VPS13A: variants seen among roughly 807,000 people sequenced by gnomAD.
VPS13A encodes vacuolar protein sorting 13 homolog A, also known as intermembrane lipid transfer protein VPS13A.
VPS13A carries 264 observed loss-of-function variants against 390.9 expected under a neutral mutation model. The observed-to-expected ratio is 0.68, with a 90% CI of 0.61 to 0.75. The LOEUF (loss-of-function observed/expected upper bound fraction) is 0.75, where lower values mean the gene tolerates loss of function less well. VPS13A is among the 30% of genes least tolerant of loss of function. The pLI is 0.00. For synonymous variants in VPS13A, 1,231 were observed against 1,227.1 expected (o/e 1.00, Z -0.07); for missense variants, 3,409 against 3,733.9 (o/e 0.91, Z 2.27).
At chr9:77,310,303 A>G (rs1193346180) in intron 35 of VPS13A, among the ~76,000 whole-genome samples, 1 of 152,200 alleles carries the variant, frequency 6.6e-6, no homozygotes, top group African/African-American at 2.4e-5. Flanking sequence ...GGCTTTCATT[A>G]AAAAGTAAAT....
In VPS13A at chr9:77,276,104, C is replaced by A. The variant is rs772881218; in HGVS notation, c.2707C>A (p.Leu903Ile). ...EFYHLVGDCE[L>I]SVVEILVLGL... ...TTATCACCTTGTTGGAGATTGTGAACTATCTGTGGTAGAAATTCTTGTTTT... is the reference window on the plus strand; with the variant it reads ...TTATCACCTTGTTGGAGATTGTGAAATATCTGTGGTAGAAATTCTTGTTTT... Residue 903 changes from leucine to isoleucine, a missense_variant, in exon 26 of 72, where the codon CTA becomes ATA. Physicochemically the swap from Leu to Ile is conservative, Grantham distance 5. Coordinates refer to ENST00000360280, the MANE Select transcript of VPS13A (RefSeq NM_033305.3). The A allele has an allele frequency of 6.2e-7, 1 of 1,613,122 alleles. No homozygotes were observed. The highest frequency in any genetic ancestry group is 2.2e-5 in the East Asian group (1 of 44,762).
rs1296307787 is a variant in VPS13A, at chr9:77,339,782, T to C, written c.6645T>C (p.Tyr2215=). ...CAGTTGTGGCATTTCATAGTCCTTA[T>C]TGGATGGTCAATAAAACTGGCCGCA... is the stretch of plus-strand genomic sequence containing the variant. ...GQTVVAFHSP[Y]WMVNKTGRML... The change falls in exon 48 of 72, where the codon TAT becomes TAC. Residue 2215 remains tyrosine (Y), a synonymous_variant. Transcript: ENST00000360280. 1.9e-6 allele frequency: 3 copies of C among 1,614,004 alleles called. No homozygotes were observed. The highest frequency in any genetic ancestry group is 1.3e-5 in the African/African-American group (1 of 74,940).
At position 77,323,247 on chromosome 9, in the gene VPS13A, G is replaced by T. The variant is rs763843793; in HGVS notation, c.5991+20G>T. On this transcript the variant is annotated intron_variant, in intron 45 of 71. Transcript: ENST00000360280. ...GTGCAGGTATGAAATGATCAATTTT[G>T]GGGGATGTCCTGTTATGCATATCTG... 1.9e-6 allele frequency: 3 copies of T among 1,612,228 alleles called. No homozygotes were observed. The highest frequency in any genetic ancestry group is 1.7e-5 in the Admixed American group (1 of 59,940).
intron 12 of VPS13A, among the ~76,000 whole-genome samples, chr9:77,220,928 G>T (rs1353112982): frequency 6.6e-6 from 1 of 151,972 alleles, no homozygotes; most frequent in East Asian, 1.9e-4. Context: ...GCCAATTAAT[G>T]CCTTAACAGT....
rs547830928 is a variant in VPS13A, at chr9:77,378,793, C to G, written c.9078-3183C>G. ...ACTTGTGAAGTTATATTATTGATTT[C>G]AGACCTTCTTTTTTAATGTAGACAT... On this transcript the variant is annotated intron_variant, in intron 67 of 71. Transcript: ENST00000360280. Among the ~76,000 whole-genome samples the G allele has an allele frequency of 1.1e-4, 17 of 151,830 alleles. No homozygotes were observed. In the East Asian group the frequency reaches 3.1e-3, roughly 28 times the overall value.
chr9:77,286,700 A>G (rs774873805), intron 31 of VPS13A, among the ~76,000 whole-genome samples: 6 of 152,228 alleles, frequency 3.9e-5, no homozygotes, highest in Non-Finnish European at 1.5e-5. Flanking sequence ...GACTTTGGAC[A>G]GGTAGACATC....
At chr9:77,245,302 C>G (rs1824742050) in intron 19 of VPS13A, among the ~76,000 whole-genome samples, 1 of 152,144 alleles carries the variant, frequency 6.6e-6, no homozygotes, top group African/African-American at 2.4e-5. Context: ...AGCCAGAATA[C>G]TTGAGGAATC....
intron 10 of VPS13A, among the ~76,000 whole-genome samples, chr9:77,218,661 G>A (rs1423799749): frequency 1.1e-5 from 1 of 90,202 alleles, no homozygotes; most frequent in East Asian, 2.7e-4. Flanking sequence ...TTTTTTTTTT[G>A]GAAAGGGACA....
chr9:77,405,753 C>T (rs1230613466), intron 69 of VPS13A, 111 bp from the exon 70 acceptor site: 1 of 1,325,262 alleles, frequency 7.5e-7, no homozygotes. Context: ...AGAATATAGT[C>T]TATGTTGATG....
chr9:77,279,356 G>T (rs1456935607), intron 26 of VPS13A, among the ~76,000 whole-genome samples: 3 of 152,058 alleles, frequency 2.0e-5, no homozygotes, highest in African/African-American at 7.2e-5. Context: ...CCAGCGTCCG[G>T]ACGTCCACGT....
chr9:77,351,649 T>C (rs1433228353), intron 53 of VPS13A, among the ~76,000 whole-genome samples: 1 of 152,144 alleles, frequency 6.6e-6, no homozygotes, highest in Non-Finnish European at 1.5e-5. Context: ...GGCAGGCGGA[T>C]CACCAGGTCA....
rs559255938 is a variant in VPS13A, at chr9:77,186,687, C to T, written c.100+8883C>T. Among the ~76,000 whole-genome samples, 17 of 152,244 alleles carry T rather than the reference C, an allele frequency of 1.1e-4. No homozygotes were observed. In the South Asian group the frequency reaches 1.7e-3, roughly 15 times the overall value. On this transcript the variant is annotated intron_variant, in intron 1 of 71. Transcript: ENST00000360280. ...TCTTGACCTAGTAATCTGCCCGCCT[C>T]GGCCTCCCAAAGTGCTGGGATTACA...
Position 77,316,344 on chromosome 9 carries a change from A to G in VPS13A, c.4801A>G (p.Lys1601Glu). 1.2e-6 allele frequency: 2 copies of G among 1,613,252 alleles called. No individual in the cohort carries two copies. The highest frequency in any genetic ancestry group is 1.7e-6 in the Non-Finnish European group (2 of 1,179,394). Reference sequence around the variant, plus strand: ...AAATAGTACAATGACTGCTGCCATTAAAGATCTCCAAGTGAGAGCCTGCCC... The same window carrying G: ...AAATAGTACAATGACTGCTGCCATTGAAGATCTCCAAGTGAGAGCCTGCCC... ...LENSTMTAAIKDLQVRACPFL... is the reference protein window; with the variant it reads ...LENSTMTAAIEDLQVRACPFL... The change falls in exon 39 of 72, where the codon AAA becomes GAA. Residue 1601 changes from lysine to glutamate, a missense_variant. Lys to Glu is a moderately conservative substitution (Grantham distance 56). Transcript: ENST00000360280.
intron 52 of VPS13A, among the ~76,000 whole-genome samples, chr9:77,348,772 A>G (rs1407181377): frequency 6.6e-6 from 1 of 152,178 alleles, no homozygotes; most frequent in African/African-American, 2.4e-5. Flanking sequence ...ACATGTACAC[A>G]CAGATAGTGA....
intron 46 of VPS13A, among the ~76,000 whole-genome samples, chr9:77,335,129 A>G (rs1340622204): frequency 6.6e-6 from 1 of 152,256 alleles, no homozygotes; most frequent in Non-Finnish European, 1.5e-5. Context: ...TATAAAGGAC[A>G]GTGTTGTCTC....
In VPS13A at chr9:77,256,548, C is replaced by T. The variant is rs180840186; in HGVS notation, c.2289-3538C>T. ...AGTCCCCTGTTTCCTTATTAATCTA[C>T]TGCCTGGTGTTTCTATTCAGTATTG... On this transcript the variant is annotated intron_variant, in intron 22 of 71. Coordinates refer to ENST00000360280, the MANE Select transcript of VPS13A (RefSeq NM_033305.3). Among the ~76,000 whole-genome samples, 59 of 152,190 alleles carry T rather than the reference C, an allele frequency of 3.9e-4. No individual in the cohort carries two copies. The East Asian group carries it at 0.01, about 26-fold the overall frequency.
At chr9:77,303,887 T>C (rs971663553) in intron 34 of VPS13A, among the ~76,000 whole-genome samples, 2 of 152,060 alleles carry the variant, frequency 1.3e-5, no homozygotes, top group African/African-American at 2.4e-5. Flanking sequence ...AATGTACAAT[T>C]GGGTTTTATA....
intron 17 of VPS13A, among the ~76,000 whole-genome samples, chr9:77,235,956 A>G (rs1374815073): frequency 6.6e-6 from 1 of 152,176 alleles, no homozygotes; most frequent in African/African-American, 2.4e-5. Flanking sequence ...TTCACTTTTC[A>G]GTACAGTACT....
chr9:77,234,844 C>A (rs1215387716), intron 17 of VPS13A, among the ~76,000 whole-genome samples: 1 of 151,964 alleles, frequency 6.6e-6, no homozygotes, highest in Non-Finnish European at 1.5e-5. Flanking sequence ...TTGTTGAGGG[C>A]TACTATATAG....
Sources: gnomAD v4.1 joint callset for allele counts (sites outside exome capture counted in the v4.1 genomes callset) on GRCh38, gnomAD v4.1.1 for gene constraint, MANE v1.5 for transcripts, NCBI Gene and HGNC (gene_info 2026-07-23, HGNC 2026-07-21) for gene names.